PTPRT: variants seen among roughly 807,000 people sequenced by gnomAD.
PTPRT encodes protein tyrosine phosphatase receptor type T, also known as receptor-type tyrosine-protein phosphatase T.
PTPRT carries 56 observed loss-of-function variants against 176.8 expected under a neutral mutation model. The ratio of observed to expected loss-of-function variants is 0.32; its 90% confidence interval spans 0.26 to 0.40. The LOEUF (loss-of-function observed/expected upper bound fraction) is 0.40, where lower values mean the gene tolerates loss of function less well. Among genes scored for constraint, PTPRT ranks in the 10% least tolerant of loss-of-function variants. The pLI is 1.00. For synonymous variants in PTPRT, 783 were observed against 739.0 expected (o/e 1.06, Z -0.96); for missense variants, 1,540 against 1,908.2 (o/e 0.81, Z 3.60).
intron 7 of PTPRT, among the ~76,000 whole-genome samples, chr20:42,564,074 C>T (rs910210077): frequency 2.0e-5 from 3 of 152,170 alleles, no homozygotes; most frequent in Admixed American, 6.5e-5. Flanking sequence ...AGGGCCAGGG[C>T]TGGAGGTGAC....
At chr20:42,167,085 C>T (rs1372681055) in intron 16 of PTPRT, among the ~76,000 whole-genome samples, 3 of 152,118 alleles carry the variant, frequency 2.0e-5, no homozygotes, top group Admixed American at 6.5e-5. Context: ...ATCTATAATA[C>T]AGAGAAAACA....
intron 6 of PTPRT, among the ~76,000 whole-genome samples, chr20:42,714,111 G>A (rs2076187851): frequency 6.6e-6 from 1 of 152,178 alleles, no homozygotes; most frequent in Non-Finnish European, 1.5e-5. Context: ...GCTGTTGGGT[G>A]AGCACCTTGC....
intron 7 of PTPRT, among the ~76,000 whole-genome samples, chr20:42,561,951 G>A (rs1568978535): frequency 1.3e-5 from 2 of 152,102 alleles, no homozygotes; most frequent in African/African-American, 2.4e-5. Context: ...CATCCGATTG[G>A]TGATGGAGGA....
At chr20:42,435,844 G>A (rs1305648660) in intron 9 of PTPRT, among the ~76,000 whole-genome samples, 4 of 152,120 alleles carry the variant, frequency 2.6e-5, no homozygotes, top group Non-Finnish European at 4.4e-5. Context: ...ATGAGGAGGA[G>A]GAATCTTCTC....
chr20:42,645,471 C>A (rs983650804), intron 7 of PTPRT, among the ~76,000 whole-genome samples: 2 of 152,158 alleles, frequency 1.3e-5, no homozygotes, highest in African/African-American at 2.4e-5. Flanking sequence ...TCTTTATTCC[C>A]TTCCCTGAGC....
At chr20:42,950,449 T>C (rs1408417529) in intron 1 of PTPRT, among the ~76,000 whole-genome samples, 2 of 152,216 alleles carry the variant, frequency 1.3e-5, no homozygotes, top group East Asian at 3.9e-4. Flanking sequence ...CTGGTAATCC[T>C]GTCCCTTCTC....
rs377380995 is a variant in PTPRT, at chr20:42,631,320, T to C, written c.1153+46546A>G. Among the ~76,000 whole-genome samples the C allele has an allele frequency of 3.9e-4, 59 of 152,286 alleles. 1 individual carries two copies. The highest frequency in any genetic ancestry group is 2.7e-3 in the East Asian group (14 of 5,186). Reference sequence around the variant, plus strand: ...TTTCCATATTAATTTTAGAGCTATATGTAATTAGTTAAAAATGTTCCTGAA... The same window carrying C: ...TTTCCATATTAATTTTAGAGCTATACGTAATTAGTTAAAAATGTTCCTGAA... On this transcript the variant is annotated intron_variant, in intron 7 of 30. Coordinates refer to ENST00000373187, the MANE Select transcript of PTPRT (RefSeq NM_007050.6).
chr20:42,493,688 G>A (rs1300421058), intron 7 of PTPRT, among the ~76,000 whole-genome samples: 2 of 152,136 alleles, frequency 1.3e-5, no homozygotes, highest in African/African-American at 2.4e-5. Context: ...CACAACAGCT[G>A]TCAGAGGGAA....
In PTPRT at chr20:42,251,002, G is replaced by A. The variant is rs796092686; in HGVS notation, c.2177-2180C>T. 5.3e-5 allele frequency among the ~76,000 whole-genome samples: 8 copies of A among 152,332 alleles called. 1 individual carries two copies. The highest frequency in any genetic ancestry group is 1.9e-4 in the African/African-American group (8 of 41,578). ...GTCTGACATTTAGGGATGGGGGGAC[G>A]AGGGCTGGTTCTGAGGAGCTCCCAT... is the stretch of plus-strand genomic sequence containing the variant. On this transcript the variant is annotated intron_variant, in intron 13 of 30. Coordinates refer to ENST00000373187, the MANE Select transcript of PTPRT (RefSeq NM_007050.6).
intron 6 of PTPRT, among the ~76,000 whole-genome samples, chr20:42,738,091 G>T (rs529710626): frequency 2.9e-4 from 44 of 152,208 alleles, no homozygotes; most frequent in African/African-American, 9.9e-4. Context: ...GCATGCCCCG[G>T]GTCCATGTGG....
At chr20:42,913,014 GAA>G (rs1978497989) in intron 1 of PTPRT, among the ~76,000 whole-genome samples, 1 of 149,166 alleles carries the variant, frequency 6.7e-6, no homozygotes, top group Non-Finnish European at 1.5e-5. Context: ...ATGGCCTTGG[GAA>G]AGTTTGCCAA....
In PTPRT at chr20:43,104,388, T is replaced by A. The variant is rs75176752; in HGVS notation, c.88+85258A>T. Among the ~76,000 whole-genome samples, 71 of 152,126 alleles carry A rather than the reference T, an allele frequency of 4.7e-4. 3 individuals carry two copies. In the East Asian group the frequency reaches 8.1e-3, roughly 17 times the overall value. Reference sequence around the variant, plus strand: ...TCCCAGACAACAATCTTGGGGTATGTGTGATCCAGTCAATCAACATAACAA... The same window carrying A: ...TCCCAGACAACAATCTTGGGGTATGAGTGATCCAGTCAATCAACATAACAA... On this transcript the variant is annotated intron_variant, in intron 1 of 30. Coordinates refer to ENST00000373187, the MANE Select transcript of PTPRT (RefSeq NM_007050.6).
chr20:42,448,127 T>C (rs1461805565), intron 9 of PTPRT, 93 bp downstream of exon 9: 1 of 991,286 alleles, frequency 1.0e-6, no homozygotes, highest in African/African-American at 1.6e-5. Context: ...TACTCACCTT[T>C]ATACGTTCAG....
At position 42,407,926 on chromosome 20, in the gene PTPRT, T is replaced by C. The variant is rs139762467; in HGVS notation, c.1560+40294A>G. ...AATATGAGACAAGGAAAAAATACAT[T>C]TGATGGGAATGGTTCTAAACTTAAA... On this transcript the variant is annotated intron_variant, in intron 9 of 30. Transcript: ENST00000373187. Among the ~76,000 whole-genome samples the C allele has an allele frequency of 2.2e-3, 342 of 152,170 alleles. 2 individuals carry two copies. The highest frequency in any genetic ancestry group is 7.8e-3 in the African/African-American group (323 of 41,544).
chr20:42,044,071 A>G, the PTPRT span, among the ~76,000 whole-genome samples: 5 of 152,300 alleles, frequency 3.3e-5, no homozygotes, highest in East Asian at 7.7e-4. Context: ...GTAAATAGGC[A>G]TTGTCCTGGT....
intron 1 of PTPRT, among the ~76,000 whole-genome samples, chr20:43,092,954 G>T (rs6072976): frequency 7.2e-5 from 11 of 152,254 alleles, no homozygotes; most frequent in African/African-American, 2.6e-4. Flanking sequence ...GACAAGTTTA[G>T]AAAAGTTAAC....
intron 26 of PTPRT, among the ~76,000 whole-genome samples, chr20:42,101,602 G>A (rs1985941299): frequency 6.6e-6 from 1 of 152,138 alleles, no homozygotes; most frequent in Non-Finnish European, 1.5e-5. Flanking sequence ...TCCACCCCAT[G>A]CTTGTTTTAC....
chr20:42,472,547 G>A lies in PTPRT; in HGVS notation c.1169C>T (p.Pro390Leu). ...GATGTCTACGATTTCCACGTTCTGT[G>A]GGCCATGTACCGGATCTGCAAAACA... is the stretch of plus-strand genomic sequence containing the variant. ...RTKCADPVHG[P>L]QNVEIVDIRA... Residue 390 changes from proline (P) to leucine (L), a missense_variant, in exon 8 of 31, where the codon CCA (proline) becomes CTA (leucine). Pro to Leu is a moderately conservative substitution (Grantham distance 98, BLOSUM62 -3). This residue lies in a region of PTPRT where 273 missense variants were observed against 432.1 expected (regional missense o/e 0.63). Coordinates refer to ENST00000373187, the MANE Select transcript of PTPRT (RefSeq NM_007050.6). 6.2e-7 allele frequency: 1 copy of A among 1,613,940 alleles called. No individual in the cohort carries two copies. The highest frequency in any genetic ancestry group is 8.5e-7 in the Non-Finnish European group (1 of 1,180,012).
At chr20:42,165,015 G>T (rs1228267078) in intron 16 of PTPRT, among the ~76,000 whole-genome samples, 3 of 152,128 alleles carry the variant, frequency 2.0e-5, no homozygotes, top group Non-Finnish European at 4.4e-5. Context: ...TTCCCCTGCA[G>T]TAACTCTTGT....
Sources: gnomAD v4.1 joint callset for allele counts (sites outside exome capture counted in the v4.1 genomes callset) on GRCh38, gnomAD v4.1.1 for gene constraint, gnomAD v4.1.1 regional missense constraint, MANE v1.5 for transcripts, NCBI Gene and HGNC (gene_info 2026-07-23, HGNC 2026-07-21) for gene names.